Variants in ZSCAN4 observed in about 807,000 individuals in gnomAD.
ZSCAN4 encodes the protein zinc finger and SCAN domain-containing protein 4.
A neutral mutation model predicts 18.3 loss-of-function variants in ZSCAN4; 18 were observed. The observed-to-expected ratio is 0.98, with a 90% CI of 0.68 to 1.46. The LOEUF is 1.46. Among genes scored for constraint, ZSCAN4 ranks in the 40% most tolerant of loss-of-function variants. The pLI, the probability that ZSCAN4 is intolerant of heterozygous loss-of-function variation, is 0.00. For missense variants in ZSCAN4, 498 were observed against 511.4 expected (o/e 0.97, Z 0.25); for synonymous variants, 193 against 180.3 (o/e 1.07, Z -0.57).
exon 5 of ZSCAN4, chr19:57,678,730 CCTT>C: frequency 3.7e-6 from 6 of 1,614,118 alleles, no homozygotes; most frequent in African/African-American, 1.3e-5. Context: ...TGTAAAAAGT[CCTT>C]CAGCCACAAA....
upstream of ZSCAN4, chr19:57,664,684 C>T (rs1983811545): frequency 4.6e-6 from 1 of 219,632 alleles, no homozygotes; most frequent in South Asian, 8.0e-5. Flanking sequence ...CCCTAAATCG[C>T]TCAACAAGCG....
chr19:57,658,077 G>A, the ZSCAN4 span, among the ~76,000 whole-genome samples: 1 of 152,112 alleles, frequency 6.6e-6, no homozygotes, highest in Non-Finnish European at 1.5e-5. Flanking sequence ...TTTCTTCAAA[G>A]CTAAAGACTG....
At chr19:57,654,005 C>T in the ZSCAN4 span, among the ~76,000 whole-genome samples, 930 of 152,284 alleles carry the variant, frequency 6.1e-3, 7 homozygotes, top group African/African-American at 0.021. Context: ...CACCTTAGAA[C>T]GCAGGGTAAC....
At chr19:57,662,191 G>T in the ZSCAN4 span, among the ~76,000 whole-genome samples, 4 of 151,890 alleles carry the variant, frequency 2.6e-5, no homozygotes, top group South Asian at 8.3e-4. Context: ...TCTTACAGAA[G>T]AATTTAACCC....
At chr19:57,656,617 TG>T in the ZSCAN4 span, among the ~76,000 whole-genome samples, 3 of 152,204 alleles carry the variant, frequency 2.0e-5, no homozygotes, top group African/African-American at 7.2e-5. Flanking sequence ...AGAACAGGAC[TG>T]GCAAGTTGAC....
the ZSCAN4 span, among the ~76,000 whole-genome samples, chr19:57,652,404 A>T: frequency 0.057 from 8,705 of 152,156 alleles, 423 homozygotes; most frequent in East Asian, 0.14. Context: ...GCCTTTGTTT[A>T]TCTCTGTTTG....
At chr19:57,674,872 G>C (rs1011488249) in intron 2 of ZSCAN4, among the ~76,000 whole-genome samples, 6 of 150,458 alleles carry the variant, frequency 4.0e-5, no homozygotes, top group Admixed American at 1.3e-4. Context: ...GCAATCCAAT[G>C]TTTCATAGAG....
chr19:57,657,293 C>CAAAA, the ZSCAN4 span, among the ~76,000 whole-genome samples: 1 of 95,044 alleles, frequency 1.1e-5, no homozygotes. Flanking sequence ...GACTCCATGT[C>CAAAA]AAAAAAAAAA....
chr19:57,666,713 G>C (rs956038053), upstream of ZSCAN4, among the ~76,000 whole-genome samples: 1 of 151,972 alleles, frequency 6.6e-6, no homozygotes. Flanking sequence ...GTGAAACCCC[G>C]TCTCTACTAA....
At chr19:57,674,310 A>G (rs1237573067) in intron 2 of ZSCAN4, among the ~76,000 whole-genome samples, 1 of 152,158 alleles carries the variant, frequency 6.6e-6, no homozygotes, top group Non-Finnish European at 1.5e-5. Flanking sequence ...TAATTTTTCA[A>G]TACCCATTTC....
chr19:57,672,300 C>A (rs12609579), intron 2 of ZSCAN4, among the ~76,000 whole-genome samples: 25,593 of 151,936 alleles, frequency 0.17, 2,230 homozygotes, highest in East Asian at 0.26. Flanking sequence ...AAGAATGTTT[C>A]CTAAGGAATG....
At chr19:57,663,519 C>CAAAAAAAAAAAAAAAAAAAAAA in the ZSCAN4 span, among the ~76,000 whole-genome samples, 8 of 18,310 alleles carry the variant, frequency 4.4e-4, no homozygotes, top group African/African-American at 1.3e-3. Context: ...AACCATGTCT[C>CAAAAAAAAAAAAAAAAAAAAAA]TAAAAAAAAA....
chr19:57,676,568 A>G (rs1984197887), intron 3 of ZSCAN4, 27 bp downstream of exon 3: 2 of 1,566,016 alleles, frequency 1.3e-6, no homozygotes, highest in Non-Finnish European at 1.7e-6. Context: ...AACTTCTGGG[A>G]TGAGAGACAA....
chr19:57,653,390 G>GAAAAA, the ZSCAN4 span, among the ~76,000 whole-genome samples: 808 of 76,462 alleles, frequency 0.011, 18 homozygotes, highest in African/African-American at 0.026. Context: ...CCATCTCAAA[G>GAAAAA]AAAAAAAAAA....
chr19:57,663,159 T>C, the ZSCAN4 span, among the ~76,000 whole-genome samples: 1 of 151,392 alleles, frequency 6.6e-6, no homozygotes, highest in Non-Finnish European at 1.5e-5. Flanking sequence ...CGCCTCGGCC[T>C]CCCACAGTGC....
exon 5 of ZSCAN4, chr19:57,678,320 C>A: frequency 6.2e-7 from 1 of 1,614,146 alleles, no homozygotes; most frequent in Non-Finnish European, 8.5e-7. Flanking sequence ...CTTCTGACAA[C>A]CCATACAACT....
intron 1 of ZSCAN4, 56 bp downstream of exon 1, chr19:57,669,259 CCATGTTGGT>C: frequency 6.6e-6 from 1 of 152,078 alleles, no homozygotes; most frequent in South Asian, 2.1e-4. Context: ...CCGGGTTTAA[CCATGTTGGT>C]CAGGCTGGTC....
chr19:57,665,485 A>G (rs1207695196), upstream of ZSCAN4, among the ~76,000 whole-genome samples: 1 of 152,174 alleles, frequency 6.6e-6, no homozygotes, highest in East Asian at 1.9e-4. Flanking sequence ...TGTATTTTAA[A>G]TTTTAATACT....
chr19:57,663,520 T>TAAAAAAAAAAAAAAAAAA, the ZSCAN4 span, among the ~76,000 whole-genome samples: 143 of 66,572 alleles, frequency 2.1e-3, 4 homozygotes, highest in African/African-American at 8.9e-3. Context: ...ACCATGTCTC[T>TAAAAAAAAAAAAAAAAAA]AAAAAAAAAA....
Sources: allele counts gnomAD v4.1 joint callset (sites outside exome capture counted in the v4.1 genomes callset), GRCh38; gene constraint gnomAD v4.1.1; transcripts MANE v1.5; gene names NCBI Gene and HGNC (gene_info 2026-07-23, HGNC 2026-07-21).